The following JAKMIP3 variants were observed in gnomAD, a reference collection of about 807,000 sequenced individuals.
JAKMIP3 encodes the protein Janus kinase and microtubule interacting protein 3, also known as janus kinase and microtubule-interacting protein 3.
Under a neutral mutation model 118.5 loss-of-function variants are expected in JAKMIP3, and 58 were observed. The observed-to-expected ratio is 0.49, with a 90% CI of 0.40 to 0.61. The LOEUF (loss-of-function observed/expected upper bound fraction) is 0.61, where lower values mean the gene tolerates loss of function less well. JAKMIP3 is among the 20% of genes least tolerant of loss of function. JAKMIP3 has a pLI of 0.00. For synonymous variants in JAKMIP3, 486 were observed against 451.2 expected (o/e 1.08, Z -0.98); for missense variants, 950 against 1,109.0 (o/e 0.86, Z 2.04).
chr10:132,123,078 G>A (rs2048834206), intron 3 of JAKMIP3, among the ~76,000 whole-genome samples: 1 of 152,222 alleles, frequency 6.6e-6, no homozygotes. Flanking sequence ...GAGAAGCTGG[G>A]CTCCCAGCGG....
rs903209290 is a variant in JAKMIP3 at position 132,049,343 on chromosome 10, C to A, written c.-138+12605C>A. Among the ~76,000 whole-genome samples the A allele has an allele frequency of 1.3e-5, 2 of 152,184 alleles. No homozygotes were observed. Among genetic ancestry groups the A allele is most frequent in the African/African-American group, 4.8e-5 (2 of 41,442 alleles). On this transcript the variant is annotated intron_variant, in intron 1 of 23. Transcript: ENST00000657785. This position sits in a 1 kb window ranked among gnomAD's most constrained non-coding sequence, Gnocchi z 4.3. ...CCCTCCTCCTCACCTTCCACTTCCT[C>A]CTCTTTCTTGCTGACCTGTTACTTT...
chr10:132,117,235 T>A lies in JAKMIP3; in HGVS notation c.294T>A (p.His98Gln). ...QAVRETLLRQ[H>Q]EAELLRVIKI... Reference sequence around the variant, plus strand: ...TGCGTGAGACGCTGCTGCGGCAGCATGAGGCTGAGCTGCTCAGGGTCATCA... The same window carrying A: ...TGCGTGAGACGCTGCTGCGGCAGCAAGAGGCTGAGCTGCTCAGGGTCATCA... The change falls in exon 3 of 24, where the codon CAT (histidine) becomes CAA (glutamine). Residue 98 changes from histidine to glutamine, a missense_variant. His to Gln is a conservative substitution (Grantham distance 24). Transcript: ENST00000684848. This position sits in a 1 kb window ranked among gnomAD's most constrained non-coding sequence, Gnocchi z 8.6. The A allele has an allele frequency of 6.2e-7, 1 of 1,613,856 alleles. No homozygotes were observed. Among genetic ancestry groups the A allele is most frequent in the Non-Finnish European group, 8.5e-7 (1 of 1,179,890 alleles).
At chr10:132,166,812 G>A (rs1374074324) in intron 21 of JAKMIP3, among the ~76,000 whole-genome samples, 171 bp from the exon 22 acceptor site, 3 of 152,142 alleles carry the variant, frequency 2.0e-5, no homozygotes, top group Non-Finnish European at 2.9e-5. Flanking sequence ...CCTCAGACCC[G>A]GGGATTTGGG....
At chr10:132,142,175 T>A in intron 11 of JAKMIP3, 127 bp downstream of exon 11, 4 of 1,006,560 alleles carry the variant, frequency 4.0e-6, no homozygotes, top group Non-Finnish European at 5.7e-6. Flanking sequence ...TGCCCTTGCC[T>A]GCAGTCCTGG....
At position 132,117,578 on chromosome 10, in the gene JAKMIP3, C is replaced by T. The variant is rs757107984; in HGVS notation, c.633+4C>T. Reference sequence around the variant, plus strand: ...CGAGCGGGAGATCCGCAGGCTGGTACGTGGGCAGGCAGGGGCGGGCGTGGG... The same window carrying T: ...CGAGCGGGAGATCCGCAGGCTGGTATGTGGGCAGGCAGGGGCGGGCGTGGG... On this transcript the variant is annotated splice_donor_region_variant and intron_variant, in intron 3 of 23. Transcript: ENST00000684848. This position sits in a 1 kb window ranked among gnomAD's most constrained non-coding sequence, Gnocchi z 8.6. The T allele has an allele frequency of 1.4e-5, 19 of 1,387,618 alleles. No individual in the cohort carries two copies. Among genetic ancestry groups the T allele is most frequent in the South Asian group, 6.0e-5 (5 of 82,684 alleles). 86.0% of individuals were successfully genotyped at this position (1,387,618 alleles called of 1,614,324 possible). A position where few individuals can be genotyped will look rare whatever the true frequency, so the allele number is the denominator to read the frequency against.
At chr10:132,063,110 A>G (rs1206436541), upstream of JAKMIP3, among the ~76,000 whole-genome samples, 1 of 152,124 alleles carries the variant, frequency 6.6e-6, no homozygotes, top group Non-Finnish European at 1.5e-5. Context: ...GGGTGTGATC[A>G]TGGGAGTGGC....
chr10:132,113,085 A>C (rs2047115950), intron 2 of JAKMIP3, among the ~76,000 whole-genome samples: 1 of 152,102 alleles, frequency 6.6e-6, no homozygotes, highest in African/African-American at 2.4e-5. Context: ...AGCAGTTGTC[A>C]CCTCAGTTCA....
chr10:132,169,088 A>G, intron 23 of JAKMIP3, 55 bp downstream of exon 23: 1 of 152,660 alleles, frequency 6.6e-6, no homozygotes, highest in Non-Finnish European at 1.5e-5. Context: ...CTGCGAGGTG[A>G]GCTCCAGCTT....
intron 3 of JAKMIP3, among the ~76,000 whole-genome samples, chr10:132,127,392 T>TTTTGTG (rs1554941558): frequency 6.8e-6 from 1 of 146,868 alleles, no homozygotes; most frequent in African/African-American, 2.5e-5. Context: ...CTGGCTAATT[T>TTTTGTG]TGTGTGTGTG....
At position 132,168,379 on chromosome 10, in the gene JAKMIP3, A is replaced by G. The variant is rs1280869575; in HGVS notation, c.*449A>G. The G allele has an allele frequency of 2.3e-6, 3 of 1,289,534 alleles. No homozygotes were observed. The East Asian group carries it at 1.7e-4, about 72-fold the overall frequency. The allele number at this position is 1,289,534 out of a possible 1,614,324, so 79.9% of individuals were successfully genotyped here. A position where few individuals can be genotyped will look rare whatever the true frequency, so the allele number is the denominator to read the frequency against. On this transcript the variant is annotated 3_prime_UTR_variant, in exon 23 of 24. Transcript: ENST00000684848. ...CTGGAGGAAGATTTTCAGAAACAAC[A>G]GAGGCTTGGCCTGATGACAAGATGA...
intron 1 of JAKMIP3, among the ~76,000 whole-genome samples, chr10:132,071,669 T>C (rs1414000534): frequency 6.6e-6 from 1 of 152,236 alleles, no homozygotes; most frequent in Non-Finnish European, 1.5e-5. Flanking sequence ...CTCAATGTAT[T>C]GACTCCTGTA....
intron 3 of JAKMIP3, among the ~76,000 whole-genome samples, chr10:132,130,392 G>A (rs1282347110): frequency 3.9e-5 from 6 of 152,376 alleles, no homozygotes; most frequent in African/African-American, 1.2e-4. Context: ...TCCGCTGGGA[G>A]CAGCAGCCTT....
At chr10:132,095,958 G>A (rs892653260) in intron 1 of JAKMIP3, among the ~76,000 whole-genome samples, 6 of 152,080 alleles carry the variant, frequency 3.9e-5, no homozygotes, top group Admixed American at 1.3e-4. Context: ...GGTAGAATCC[G>A]CCGGCATACT....
chr10:132,106,554 C>T (rs1459187636), intron 2 of JAKMIP3, among the ~76,000 whole-genome samples: 1 of 152,090 alleles, frequency 6.6e-6, no homozygotes, highest in African/African-American at 2.4e-5. Flanking sequence ...GGGCACAGCT[C>T]GGGGAGTCTC....
chr10:132,046,053 C>T (rs534411731), intron 1 of JAKMIP3, among the ~76,000 whole-genome samples: 5 of 152,280 alleles, frequency 3.3e-5, no homozygotes, highest in East Asian at 1.9e-4. Context: ...AACCCACACC[C>T]GGCAGATATT....
chr10:132,147,933 T>G lies in JAKMIP3; in HGVS notation c.1750-19T>G. On this transcript the variant is annotated intron_variant, in intron 13 of 23. Transcript: ENST00000684848. Reference sequence around the variant, plus strand: ...AGAGAGAACCAGACCCCTCACCTCATGCATCTTTTATGTTGCAGATCAAAC... The same window carrying G: ...AGAGAGAACCAGACCCCTCACCTCAGGCATCTTTTATGTTGCAGATCAAAC... The G allele has an allele frequency of 6.4e-7, 1 of 1,556,496 alleles. No homozygotes were observed. The highest frequency in any genetic ancestry group is 8.8e-7 in the Non-Finnish European group (1 of 1,138,636).
chr10:132,041,031 C>T (rs535708470), intron 1 of JAKMIP3, among the ~76,000 whole-genome samples: 115 of 152,272 alleles, frequency 7.6e-4, no homozygotes, highest in African/African-American at 2.6e-3. Context: ...CGCGGCTGAG[C>T]GGCATTCGTC....
At position 132,118,009 on chromosome 10, in the gene JAKMIP3, C is replaced by T. The variant is rs531626332; in HGVS notation, c.633+435C>T. 2.7e-4 allele frequency among the ~76,000 whole-genome samples: 41 copies of T among 152,278 alleles called. No individual in the cohort carries two copies. Among genetic ancestry groups the T allele is most frequent in the African/African-American group, 9.9e-4 (41 of 41,556 alleles). On this transcript the variant is annotated intron_variant, in intron 3 of 23. Transcript: ENST00000684848. The surrounding 1 kb of genome is among the most constrained non-coding windows in gnomAD (Gnocchi z 4.8). Reference sequence around the variant, plus strand: ...GTTTCGCAGCAGGAGTCCCACACATCCTCACGGGGGGACTCAGAGGGAATT... The same window carrying T: ...GTTTCGCAGCAGGAGTCCCACACATTCTCACGGGGGGACTCAGAGGGAATT...
intron 1 of JAKMIP3, among the ~76,000 whole-genome samples, chr10:132,055,316 T>C (rs1459094570): frequency 6.6e-6 from 1 of 152,188 alleles, no homozygotes; most frequent in Non-Finnish European, 1.5e-5. Flanking sequence ...CAAGTATCAA[T>C]GACAAACATG....
Sources: gnomAD v4.1 joint callset for allele counts (sites outside exome capture counted in the v4.1 genomes callset) on GRCh38, gnomAD v4.1.1 for gene constraint, Gnocchi (gnomAD v3.1) non-coding constraint, MANE v1.5 for transcripts, NCBI Gene and HGNC (gene_info 2026-07-23, HGNC 2026-07-21) for gene names.